SNX24: variants seen among roughly 807,000 people sequenced by gnomAD.
SNX24 encodes sorting nexin 24.
A neutral mutation model predicts 28.7 loss-of-function variants in SNX24; 22 were observed. The ratio of observed to expected loss-of-function variants is 0.77; its 90% confidence interval spans 0.55 to 1.10. SNX24 has a LOEUF of 1.10. SNX24 is among the 50% of genes least tolerant of loss of function. The pLI, the probability that SNX24 is intolerant of heterozygous loss-of-function variation, is 0.00. For synonymous variants in SNX24, 69 were observed against 71.5 expected, an observed-to-expected ratio of 0.96 and a Z score of 0.18; for missense variants, 221 against 201.1, an observed-to-expected ratio of 1.10 and a Z score of -0.60.
At chr5:122,969,242 C>T (rs898212424) in intron 3 of SNX24, among the ~76,000 whole-genome samples, 1 of 152,030 alleles carries the variant, frequency 6.6e-6, no homozygotes, top group African/African-American at 2.4e-5. Flanking sequence ...ATGTGTCCAC[C>T]TCTTGCTTGT....
intron 3 of SNX24, among the ~76,000 whole-genome samples, chr5:122,974,110 T>C (rs1761068706): frequency 6.6e-6 from 1 of 152,208 alleles, no homozygotes; most frequent in Non-Finnish European, 1.5e-5. Context: ...ATTGTGCCTC[T>C]TTCTTGGTTG....
At chr5:122,854,085 AT>A (rs1417005951) in intron 1 of SNX24, among the ~76,000 whole-genome samples, 3 of 151,886 alleles carry the variant, frequency 2.0e-5, no homozygotes, top group African/African-American at 7.3e-5. Context: ...ATCGATTACT[AT>A]TTAAAAAAAA....
At chr5:123,002,488 C>T (rs1484430181) in intron 6 of SNX24, among the ~76,000 whole-genome samples, 2 of 152,078 alleles carry the variant, frequency 1.3e-5, no homozygotes, top group Admixed American at 6.6e-5. Context: ...AAAAATTAGC[C>T]GGGCGTGGTG....
intron 5 of SNX24, chr5:123,022,471 G>GTTTTT: frequency 7.0e-6 from 1 of 142,508 alleles, no homozygotes; most frequent in Non-Finnish European, 1.5e-5. Flanking sequence ...TTTCCCATTA[G>GTTTTT]TTTTTTTTTT....
chr5:122,892,311 A>G (rs1449902495), intron 1 of SNX24, among the ~76,000 whole-genome samples: 2 of 152,142 alleles, frequency 1.3e-5, no homozygotes, highest in African/African-American at 4.8e-5. Context: ...TCACTCCCAA[A>G]TTACATTTTA....
intron 3 of SNX24, among the ~76,000 whole-genome samples, chr5:122,973,631 A>G (rs1187835507): frequency 1.3e-5 from 2 of 152,192 alleles, no homozygotes; most frequent in African/African-American, 2.4e-5. Context: ...TTACGTATAT[A>G]TCACTTCCAT....
intron 1 of SNX24, among the ~76,000 whole-genome samples, chr5:122,867,792 A>G (rs528789722): frequency 9.2e-5 from 14 of 152,112 alleles, no homozygotes; most frequent in Non-Finnish European, 1.8e-4. Context: ...GTTTTTTGTC[A>G]TTTACTGTTT....
chr5:122,949,425 T>G (rs1759837398), intron 3 of SNX24, among the ~76,000 whole-genome samples: 2 of 152,136 alleles, frequency 1.3e-5, no homozygotes, highest in Admixed American at 6.5e-5. Context: ...TATTTTTGAG[T>G]GTAGGTTTCT....
At chr5:122,871,156 A>G (rs374768122) in intron 1 of SNX24, among the ~76,000 whole-genome samples, 7 of 152,176 alleles carry the variant, frequency 4.6e-5, no homozygotes, top group African/African-American at 1.4e-4. Flanking sequence ...CCCAGCACAT[A>G]TTATTAATAA....
intron 1 of SNX24, among the ~76,000 whole-genome samples, chr5:122,857,972 G>A (rs541346773): frequency 7.2e-5 from 11 of 152,018 alleles, no homozygotes; most frequent in South Asian, 2.1e-4. Flanking sequence ...TAGTAGAGAC[G>A]GGGTTTCACC....
intron 1 of SNX24, among the ~76,000 whole-genome samples, chr5:122,878,704 G>T (rs1365295247): frequency 6.6e-6 from 1 of 152,176 alleles, no homozygotes; most frequent in Non-Finnish European, 1.5e-5. Context: ...GTTTGTGGTG[G>T]CTTACGCCTG....
intron 5 of SNX24, among the ~76,000 whole-genome samples, chr5:123,027,063 G>A (rs906057358): frequency 2.6e-5 from 4 of 152,016 alleles, no homozygotes; most frequent in Non-Finnish European, 4.4e-5. Context: ...GCATGGTGGC[G>A]GGCGCCTGCA....
chr5:122,942,540 G>T (rs1368343026), intron 2 of SNX24, among the ~76,000 whole-genome samples: 1 of 152,132 alleles, frequency 6.6e-6, no homozygotes, highest in Non-Finnish European at 1.5e-5. Context: ...GTGGAAAATG[G>T]TTACTATAAC....
intron 3 of SNX24, among the ~76,000 whole-genome samples, chr5:122,982,548 A>G (rs577285882): frequency 1.3e-5 from 2 of 152,238 alleles, no homozygotes; most frequent in Non-Finnish European, 2.9e-5. Context: ...AAAGATGCCA[A>G]TGTTCAGTAG....
At position 123,026,117 on chromosome 5, in the gene SNX24, GA is replaced by G; in HGVS notation, n.384-3120del. The G allele has an allele frequency of 4.4e-6, 3 of 681,256 alleles. No homozygotes were observed. The South Asian group carries it at 6.9e-5, about 16-fold the overall frequency. 42.2% of individuals were successfully genotyped at this position (681,256 alleles called of 1,614,324 possible). On this transcript the variant is annotated intron_variant and non_coding_transcript_variant, in intron 5 of 5. Transcript: ENST00000502387. ...TGTTCAAACATAAGCAGACATGAAG[GA>G]GGGAATAAAATTAACTCCTTAAGGG...
chr5:123,028,693 T>C, intron 5 of SNX24: 3 of 1,158,340 alleles, frequency 2.6e-6, no homozygotes, highest in Admixed American at 2.2e-5. Flanking sequence ...TAGCTCTGGA[T>C]TTCAACAGAC....
chr5:122,963,489 A>T (rs79205815), intron 3 of SNX24, among the ~76,000 whole-genome samples: 1 of 152,352 alleles, frequency 6.6e-6, no homozygotes, highest in Non-Finnish European at 1.5e-5. Flanking sequence ...GTTTTATCTG[A>T]TGAAAACATA....
chr5:122,903,064 A>G (rs1166190881), intron 1 of SNX24, among the ~76,000 whole-genome samples: 3 of 152,064 alleles, frequency 2.0e-5, no homozygotes, highest in Non-Finnish European at 4.4e-5. Context: ...ATCATTGCCT[A>G]AATGTCCCAG....
chr5:122,953,121 T>G (rs1477494061), intron 3 of SNX24, among the ~76,000 whole-genome samples: 1 of 151,906 alleles, frequency 6.6e-6, no homozygotes, highest in East Asian at 1.9e-4. Context: ...TTTTTTTTTT[T>G]GGAAACAGAG....
Sources: gnomAD v4.1 joint callset for allele counts (sites outside exome capture counted in the v4.1 genomes callset) on GRCh38, gnomAD v4.1.1 for gene constraint, MANE v1.5 for transcripts, NCBI Gene and HGNC (gene_info 2026-07-23, HGNC 2026-07-21) for gene names.